The following SYNE1 variants were observed in gnomAD, a reference collection of about 807,000 sequenced individuals.
SYNE1 encodes spectrin repeat containing nuclear envelope protein 1, also known as nesprin-1.
A neutral mutation model predicts 1,111.0 loss-of-function variants in SYNE1; 616 were observed. That is an observed-to-expected ratio of 0.55 (90% confidence interval 0.52 to 0.59). SYNE1 has a LOEUF of 0.59. Among genes scored for constraint, SYNE1 ranks in the 20% least tolerant of loss-of-function variants. The probability of loss-of-function intolerance (pLI) is 0.00; values close to 1 mark genes in which losing one functional copy is unlikely to be tolerated. For synonymous variants in SYNE1, 3,855 were observed against 3,825.8 expected, an observed-to-expected ratio of 1.01 and a Z score of -0.28; for missense variants, 10,006 against 10,417.0, an observed-to-expected ratio of 0.96 and a Z score of 1.72.
At chr6:152,530,058 A>G (rs549854171) in intron 4 of SYNE1, among the ~76,000 whole-genome samples, 7 of 152,340 alleles carry the variant, frequency 4.6e-5, no homozygotes, top group African/African-American at 1.4e-4. Context: ...TCTCAGGCAT[A>G]GAAAACCACA....
chr6:152,625,942 G>A (rs898571418), intron 3 of SYNE1, among the ~76,000 whole-genome samples: 28 of 152,070 alleles, frequency 1.8e-4, no homozygotes, highest in African/African-American at 6.0e-4. Flanking sequence ...AAGCAGATGG[G>A]AGCAATCCAC....
chr6:152,565,624 C>G (rs77481948), intron 3 of SYNE1, among the ~76,000 whole-genome samples: 2 of 151,116 alleles, frequency 1.3e-5, no homozygotes, highest in East Asian at 3.9e-4. Context: ...AACTTTACTT[C>G]GCTTTAAAAT....
chr6:152,368,741 A>C, intron 61 of SYNE1: 1 of 562,556 alleles, frequency 1.8e-6, no homozygotes, highest in South Asian at 2.0e-5. Context: ...AAGTCTCCTC[A>C]ATCTTTGAAA....
rs148733093 is a variant in SYNE1, at chr6:152,449,604, T to C, written c.3433A>G (p.Thr1145Ala). 108 of 1,613,968 alleles carry C rather than the reference T, an allele frequency of 6.7e-5. No homozygotes were observed. Among genetic ancestry groups the C allele is most frequent in the Non-Finnish European group, 8.5e-5 (100 of 1,179,996 alleles). ...TCACCCTTGATCCCCTTTAATTGTG[T>C]CTCATTTGTAGATATCCAAGATGAG... Reference protein sequence around the residue: ...EFSSWISTNETQLKGIKGEAI... With the variant: ...EFSSWISTNEAQLKGIKGEAI... The change falls in exon 28 of 146, where the codon ACA (threonine) becomes GCA (alanine). Residue 1145 changes from threonine to alanine, a missense_variant. Physicochemically the swap from Thr to Ala is moderately conservative, Grantham distance 58 (BLOSUM62 0). Coordinates refer to ENST00000367255, the MANE Select transcript of SYNE1 (RefSeq NM_182961.4).
intron 66 of SYNE1, among the ~76,000 whole-genome samples, chr6:152,355,902 T>C (rs958265975): frequency 3.3e-5 from 5 of 152,214 alleles, no homozygotes; most frequent in African/African-American, 1.2e-4. Flanking sequence ...TGGTTTCAAC[T>C]AATAGAAAAT....
chr6:152,536,435 C>CTA (rs1223288590), intron 4 of SYNE1, among the ~76,000 whole-genome samples: 3,837 of 125,240 alleles, frequency 0.031, 228 homozygotes, highest in African/African-American at 0.11. Context: ...ATATATATAA[C>CTA]TATATATAGT....
At chr6:152,615,213 A>G (rs1209089057) in intron 3 of SYNE1, among the ~76,000 whole-genome samples, 1 of 152,206 alleles carries the variant, frequency 6.6e-6, no homozygotes, top group Non-Finnish European at 1.5e-5. Flanking sequence ...CTAGGAAGCT[A>G]TTTTAAAATG....
chr6:152,232,793 T>G (rs2083078131), intron 112 of SYNE1, among the ~76,000 whole-genome samples: 1 of 152,228 alleles, frequency 6.6e-6, no homozygotes, highest in South Asian at 2.1e-4. Context: ...GAAATCTTAC[T>G]TAACATATCA....
chr6:152,593,187 C>G (rs2099571784), intron 3 of SYNE1, among the ~76,000 whole-genome samples: 1 of 152,160 alleles, frequency 6.6e-6, no homozygotes, highest in South Asian at 2.1e-4. Flanking sequence ...TATAAGTCAT[C>G]TCACTTGAAG....
Position 152,407,009 on chromosome 6 carries a change from T to C in SYNE1, c.6723+5A>G. 1 of 1,613,568 alleles carries C rather than the reference T, an allele frequency of 6.2e-7. No individual in the cohort carries two copies. Among genetic ancestry groups the C allele is most frequent in the Middle Eastern group, 1.7e-4 (1 of 6,014 alleles). On this transcript the variant is annotated splice_donor_5th_base_variant and intron_variant, in intron 45 of 145. Transcript: ENST00000367255. Reference sequence around the variant, plus strand: ...AGCTGCCATATGTCAACACAGTCAATTTACCTCAAATTCTTTAAGCAGTTC... The same window carrying C: ...AGCTGCCATATGTCAACACAGTCAACTTACCTCAAATTCTTTAAGCAGTTC...
In SYNE1 at chr6:152,146,024, CAAAAAAAAAAAAAA is replaced by C. The variant is rs57218606; in HGVS notation, c.24976+2007_24976+2020del. 15 of 49,710 alleles carry C rather than the reference CAAAAAAAAAAAAAA, an allele frequency of 3.0e-4. No homozygotes were observed. In the Admixed American group the frequency reaches 3.2e-3, roughly 11 times the overall value. 3.1% of individuals were successfully genotyped at this position (49,710 alleles called of 1,614,324 possible). ...TGGGCAACAGAACTAGACTTCGTCT[CAAAAAAAAAAAAAA>C]AAAAAAAAAAAAGAACTCACAGTGA... On this transcript the variant is annotated intron_variant, in intron 137 of 145. Coordinates refer to ENST00000367255, the MANE Select transcript of SYNE1 (RefSeq NM_182961.4).
At chr6:152,200,241 A>G (rs1015340196) in intron 127 of SYNE1, among the ~76,000 whole-genome samples, 2 of 152,216 alleles carry the variant, frequency 1.3e-5, no homozygotes, top group African/African-American at 2.4e-5. Flanking sequence ...CTGACTTTGA[A>G]AAGTTATTAA....
intron 16 of SYNE1, among the ~76,000 whole-genome samples, chr6:152,466,739 A>G (rs749315093): frequency 3.9e-5 from 6 of 152,120 alleles, no homozygotes; most frequent in Non-Finnish European, 7.4e-5. Flanking sequence ...GGTAAATGTT[A>G]TTATTGTTCA....
chr6:152,193,379 A>C (rs1239101605), intron 127 of SYNE1, among the ~76,000 whole-genome samples: 1 of 152,170 alleles, frequency 6.6e-6, no homozygotes, highest in East Asian at 1.9e-4. Flanking sequence ...CTACACTTTA[A>C]CTTTGTCAGC....
Position 152,627,603 on chromosome 6 carries a change from G to A in SYNE1, c.67+662C>T, listed in dbSNP as rs76935014. ...AACAGGGAGATGGAGGTTGGAGTGA[G>A]CCGAGATAGTGCTACTGCCCTCCAG... On this transcript the variant is annotated intron_variant, in intron 3 of 145. Transcript: ENST00000367255. Among the ~76,000 whole-genome samples, 1,195 of 152,242 alleles carry A rather than the reference G, an allele frequency of 7.8e-3. 16 individuals carry two copies. Among genetic ancestry groups the A allele is most frequent in the African/African-American group, 0.025 (1,030 of 41,544 alleles).
chr6:152,156,518 T>C (rs188588930), intron 131 of SYNE1, among the ~76,000 whole-genome samples: 1 of 152,336 alleles, frequency 6.6e-6, no homozygotes, highest in East Asian at 1.9e-4. Flanking sequence ...CTTAAGTCCT[T>C]GATATTGAAT....
chr6:152,276,030 CTT>C (rs749642435), intron 98 of SYNE1, among the ~76,000 whole-genome samples: 174 of 83,998 alleles, frequency 2.1e-3, no homozygotes, highest in Admixed American at 5.5e-3. Flanking sequence ...TTCTCGACTT[CTT>C]TTTTTTTTTT....
Position 152,401,264 on chromosome 6 carries a change from A to G in SYNE1, c.6903T>C (p.Asp2301=), listed in dbSNP as rs776277039. 6.2e-7 allele frequency: 1 copy of G among 1,614,120 alleles called. No homozygotes were observed. The highest frequency in any genetic ancestry group is 8.5e-7 in the Non-Finnish European group (1 of 1,180,018). The stretch of plus-strand genomic sequence containing the variant: ...CCACTTGTGTACTTTGAGCCGTGAA[A>G]TCCTTCAGGGTTCCTTTTGCTACTT... ...ITEVAKGTLK[D]FTAQSTQVEK... Residue 2301 remains aspartate, a synonymous_variant, in exon 47 of 146, where the codon GAT becomes GAC. Transcript: ENST00000367255.
chr6:152,584,707 A>G (rs1282047348), intron 3 of SYNE1, among the ~76,000 whole-genome samples: 1 of 152,140 alleles, frequency 6.6e-6, no homozygotes, highest in Non-Finnish European at 1.5e-5. Flanking sequence ...CCGGCCTTAT[A>G]CTTTTCATAT....
Sources: gnomAD v4.1 joint callset for allele counts (sites outside exome capture counted in the v4.1 genomes callset) on GRCh38, gnomAD v4.1.1 for gene constraint, MANE v1.5 for transcripts, NCBI Gene and HGNC (gene_info 2026-07-23, HGNC 2026-07-21) for gene names.